GLB1: variants seen among roughly 807,000 people sequenced by gnomAD.
GLB1 encodes galactosidase beta 1.
A neutral mutation model predicts 74.0 loss-of-function variants in GLB1; 56 were observed. The observed-to-expected ratio is 0.76, with a 90% CI of 0.61 to 0.94. GLB1 has a LOEUF of 0.94. Among genes scored for constraint, GLB1 ranks in the 40% least tolerant of loss-of-function variants. The pLI, the probability that GLB1 is intolerant of heterozygous loss-of-function variation, is 0.00. For missense variants in GLB1, 787 were observed against 845.5 expected, an observed-to-expected ratio of 0.93 and a Z score of 0.86; for synonymous variants, 323 against 323.6, an observed-to-expected ratio of 1.00 and a Z score of 0.02.
At chr3:33,079,648 T>C (rs1700253284) in intron 1 of GLB1, among the ~76,000 whole-genome samples, 1 of 152,200 alleles carries the variant, frequency 6.6e-6, no homozygotes, top group African/African-American at 2.4e-5. Context: ...TTTGTATATA[T>C]ACAAATACAC....
chr3:33,014,162 G>C lies in GLB1; in HGVS notation c.1628C>G (p.Ser543Ter). 1 of 1,614,226 alleles carries C rather than the reference G, an allele frequency of 6.2e-7. No individual in the cohort carries two copies. The highest frequency in any genetic ancestry group is 8.5e-7 in the Non-Finnish European group (1 of 1,180,044). ...AAAGGCCGGGAGCGTGTAGTTGGAT[G>C]AGTTGTGGGCCCAGGCTTCATCATG... ...GHHDEAWAHN[S>*]SNYTLPAFYM... Residue 543 changes from serine (S) to a stop codon, truncating the protein, a stop_gained, in exon 15 of 16, where the codon TCA (serine) becomes TGA (stop). Coordinates refer to ENST00000307363, the MANE Select transcript of GLB1 (RefSeq NM_000404.4). LOFTEE classifies it high-confidence loss of function.
chr3:33,071,617 G>C (rs1473426984), intron 2 of GLB1, among the ~76,000 whole-genome samples: 1 of 152,140 alleles, frequency 6.6e-6, no homozygotes. Flanking sequence ...TGGCACCTTG[G>C]CATGCTAAGT....
At chr3:33,007,660 C>T (rs1133253) in intron 15 of GLB1, among the ~76,000 whole-genome samples, 72,309 of 152,034 alleles carry the variant, frequency 0.48, 17,888 homozygotes, top group East Asian at 0.69. Flanking sequence ...TTATGGATAA[C>T]GGTGCAATGA....
At chr3:33,068,730 G>A (rs1374222922) in intron 3 of GLB1, 90 bp downstream of exon 3, 1 of 1,607,248 alleles carries the variant, frequency 6.2e-7, no homozygotes, top group African/African-American at 1.3e-5. Flanking sequence ...ATGCTCTCTG[G>A]AATGCAGGTC....
the GLB1 span, among the ~76,000 whole-genome samples, chr3:32,989,361 C>T: frequency 1.2e-4 from 19 of 152,232 alleles, no homozygotes; most frequent in Non-Finnish European, 2.2e-4. Flanking sequence ...TCACTTCTTT[C>T]AGAGGCACTT....
chr3:32,998,790 C>T (rs1696426269), intron 15 of GLB1, among the ~76,000 whole-genome samples: 1 of 152,164 alleles, frequency 6.6e-6, no homozygotes, highest in Non-Finnish European at 1.5e-5. Flanking sequence ...TGGCTGACAC[C>T]TGCTGAGCCC....
At chr3:33,060,766 C>T (rs755196259) in intron 5 of GLB1, among the ~76,000 whole-genome samples, 5 of 152,212 alleles carry the variant, frequency 3.3e-5, no homozygotes, top group Admixed American at 6.5e-5. Context: ...GTCACAGGCA[C>T]GGCTGGCAGG....
chr3:33,075,942 G>A (rs1185267922), intron 1 of GLB1, among the ~76,000 whole-genome samples: 1 of 151,940 alleles, frequency 6.6e-6, no homozygotes, highest in Non-Finnish European at 1.5e-5. Flanking sequence ...CTACACAGGA[G>A]GCTGAGGCAG....
At chr3:33,074,890 CA>C (rs1306116961) in intron 1 of GLB1, among the ~76,000 whole-genome samples, 2 of 152,162 alleles carry the variant, frequency 1.3e-5, no homozygotes, top group East Asian at 3.9e-4. Flanking sequence ...GCCTGAAATC[CA>C]ACTGGCGAGC....
chr3:33,084,840 GA>G (rs1478283365), intron 1 of GLB1, among the ~76,000 whole-genome samples: 1 of 151,944 alleles, frequency 6.6e-6, no homozygotes, highest in Non-Finnish European at 1.5e-5. Flanking sequence ...TGCATTCAGG[GA>G]AAAAAACAAA....
intron 1 of GLB1, among the ~76,000 whole-genome samples, chr3:33,095,003 G>A (rs1700949779): frequency 6.6e-6 from 1 of 152,084 alleles, no homozygotes; most frequent in Admixed American, 6.5e-5. Flanking sequence ...CTGAGGTCAG[G>A]AGTTCAAGAC....
intron 10 of GLB1, chr3:33,033,830 C>G: frequency 3.0e-6 from 1 of 332,488 alleles, no homozygotes; most frequent in African/African-American, 2.2e-5. Context: ...CCACCAGGAG[C>G]TGCCACGTCC....
chr3:33,039,610 G>C (rs6800001), intron 10 of GLB1, among the ~76,000 whole-genome samples: 1 of 152,084 alleles, frequency 6.6e-6, no homozygotes, highest in African/African-American at 2.4e-5. Flanking sequence ...CAATGGAAGC[G>C]CTTAGGAGAT....
intron 1 of GLB1, chr3:33,092,836 A>T (rs757704052): frequency 1.9e-6 from 3 of 1,597,290 alleles, no homozygotes; most frequent in Admixed American, 1.7e-5. Context: ...GGGCCAGTTC[A>T]GGGAGACCGC....
chr3:32,992,647 T>C (rs1485112260), downstream of GLB1, among the ~76,000 whole-genome samples: 3 of 151,706 alleles, frequency 2.0e-5, no homozygotes, highest in African/African-American at 7.3e-5. Context: ...AACGTGACCC[T>C]GGGTTTCTGT....
intron 10 of GLB1, chr3:33,033,778 CA>C (rs60962107): frequency 0.39 from 70,256 of 180,666 alleles, 8,253 homozygotes; most frequent in East Asian, 0.66. Context: ...GAGACTGTCT[CA>C]AAAAAAAAAA....
intron 10 of GLB1, chr3:33,034,255 G>A: frequency 2.9e-6 from 2 of 680,518 alleles, no homozygotes; most frequent in South Asian, 1.6e-5. Flanking sequence ...CCATCTTCCT[G>A]CTGACTTATA....
chr3:33,063,822 A>G (rs1699548986), intron 5 of GLB1, among the ~76,000 whole-genome samples: 1 of 152,094 alleles, frequency 6.6e-6, no homozygotes, highest in Non-Finnish European at 1.5e-5. Flanking sequence ...GATGGTAAAA[A>G]CTAGGGGCAC....
chr3:33,087,577 GCGCACA>G (rs1296577647), intron 1 of GLB1, among the ~76,000 whole-genome samples: 16 of 39,832 alleles, frequency 4.0e-4, no homozygotes, highest in African/African-American at 1.1e-3. Flanking sequence ...CTCAGCATGC[GCGCACA>G]CACACACACA....
Sources: allele counts gnomAD v4.1 joint callset (sites outside exome capture counted in the v4.1 genomes callset), GRCh38; gene constraint gnomAD v4.1.1; transcripts MANE v1.5; gene names NCBI Gene and HGNC (gene_info 2026-07-23, HGNC 2026-07-21).